The following TLN2 variants were observed in gnomAD, a reference collection of about 807,000 sequenced individuals.
The protein encoded by TLN2 is talin-2.
In TLN2, 118 loss-of-function variants were observed where a neutral mutation model predicts 294.7. The ratio of observed to expected loss-of-function variants is 0.40; its 90% CI spans 0.34 to 0.47. The LOEUF (loss-of-function observed/expected upper bound fraction) is 0.47. TLN2 is among the 20% of genes least tolerant of loss of function. The pLI, the probability that TLN2 is intolerant of heterozygous loss-of-function variation, is 0.84. For missense variants in TLN2, 3,083 were observed against 3,282.2 expected, an observed-to-expected ratio of 0.94 and a Z score of 1.48; for synonymous variants, 1,431 against 1,304.5, an observed-to-expected ratio of 1.10 and a Z score of -2.09.
At chr15:62,646,404 C>T (rs564933850) in intron 3 of TLN2, among the ~76,000 whole-genome samples, 11 of 152,248 alleles carry the variant, frequency 7.2e-5, no homozygotes, top group Middle Eastern at 3.4e-3. Flanking sequence ...TCAAGTGATC[C>T]GCCCCCCTCA....
At chr15:62,683,682 C>T (rs181550217) in intron 11 of TLN2, among the ~76,000 whole-genome samples, 16 of 152,232 alleles carry the variant, frequency 1.1e-4, no homozygotes, top group Admixed American at 7.2e-4. Context: ...TCTAGATGGC[C>T]GTCAAAAATC....
At chr15:62,786,369 C>T (rs974756174) in intron 45 of TLN2, among the ~76,000 whole-genome samples, 1 of 152,100 alleles carries the variant, frequency 6.6e-6, no homozygotes, top group Non-Finnish European at 1.5e-5. Context: ...CATAGCTCTG[C>T]CCTGGAACAT....
intron 28 of TLN2, among the ~76,000 whole-genome samples, chr15:62,735,004 C>T (rs765440992): frequency 1.4e-4 from 21 of 152,122 alleles, no homozygotes; most frequent in African/African-American, 2.2e-4. Flanking sequence ...AAGTTCAGTG[C>T]GAGAGAGACA....
At chr15:62,431,025 GAT>G (rs1270559539) in intron 1 of TLN2, among the ~76,000 whole-genome samples, 3 of 152,044 alleles carry the variant, frequency 2.0e-5, no homozygotes, top group Non-Finnish European at 2.9e-5. Flanking sequence ...CTGAGAGACT[GAT>G]ACCTTGCTCT....
At chr15:62,707,490 T>C (rs2059142627) in intron 20 of TLN2, among the ~76,000 whole-genome samples, 1 of 152,258 alleles carries the variant, frequency 6.6e-6, no homozygotes, top group South Asian at 2.1e-4. Flanking sequence ...CATTTCTATA[T>C]GCAAATTGCT....
At chr15:62,605,579 C>A (rs2047363952) in intron 2 of TLN2, among the ~76,000 whole-genome samples, 1 of 152,164 alleles carries the variant, frequency 6.6e-6, no homozygotes, top group Non-Finnish European at 1.5e-5. Context: ...TAGGCTGTGG[C>A]TGCTGCTATG....
At chr15:62,678,119 T>C (rs949709231) in intron 11 of TLN2, among the ~76,000 whole-genome samples, 4 of 152,174 alleles carry the variant, frequency 2.6e-5, no homozygotes, top group African/African-American at 7.2e-5. Context: ...TCTATATACA[T>C]ATTAAATATT....
At chr15:62,581,167 A>G (rs991206665) in intron 1 of TLN2, among the ~76,000 whole-genome samples, 4 of 152,140 alleles carry the variant, frequency 2.6e-5, no homozygotes, top group Non-Finnish European at 4.4e-5. Context: ...GGTGTGAGAC[A>G]CCGCGCCCGG....
intron 48 of TLN2, among the ~76,000 whole-genome samples, chr15:62,797,958 C>T (rs1051429854): frequency 5.3e-5 from 8 of 152,174 alleles, no homozygotes; most frequent in African/African-American, 1.7e-4. Context: ...ACCACTTTAC[C>T]GTGCAAGTGG....
chr15:62,430,739 C>T (rs757139070), intron 1 of TLN2, among the ~76,000 whole-genome samples: 7 of 151,924 alleles, frequency 4.6e-5, no homozygotes, highest in Non-Finnish European at 5.9e-5. Context: ...AGTCATGGCC[C>T]GGTATGTCAG....
chr15:62,825,968 G>A (rs2068159207), intron 54 of TLN2, among the ~76,000 whole-genome samples: 1 of 144,472 alleles, frequency 6.9e-6, no homozygotes, highest in East Asian at 2.0e-4. Context: ...GGAGGTTGCC[G>A]TGAGCCGGGA....
At chr15:62,595,008 G>T (rs372309214) in intron 2 of TLN2, among the ~76,000 whole-genome samples, 7 of 152,104 alleles carry the variant, frequency 4.6e-5, no homozygotes, top group African/African-American at 1.7e-4. Flanking sequence ...CTCAAAAGAA[G>T]ATACACAAAT....
intron 1 of TLN2, among the ~76,000 whole-genome samples, chr15:62,466,985 T>C (rs2037169120): frequency 6.6e-6 from 1 of 152,236 alleles, no homozygotes; most frequent in South Asian, 2.1e-4. Context: ...CAGTGAAGAA[T>C]TAGCCCTCCG....
chr15:62,406,047 G>A (rs892684866), intron 1 of TLN2, among the ~76,000 whole-genome samples: 2 of 152,150 alleles, frequency 1.3e-5, no homozygotes, highest in East Asian at 1.9e-4. Context: ...TCAGGTGGCC[G>A]TATGCCTAAC....
chr15:62,458,253 C>G (rs548689060), intron 1 of TLN2, among the ~76,000 whole-genome samples: 1 of 152,260 alleles, frequency 6.6e-6, no homozygotes, highest in South Asian at 2.1e-4. Context: ...TCCAGTGTCT[C>G]TCCATGCTAA....
intron 46 of TLN2, among the ~76,000 whole-genome samples, chr15:62,794,213 AT>A (rs1224867892): frequency 6.6e-6 from 1 of 152,160 alleles, no homozygotes; most frequent in Non-Finnish European, 1.5e-5. Flanking sequence ...TGGGTCCCTG[AT>A]TTAGGACACC....
rs568254323 is a variant in TLN2 at position 62,646,437 on chromosome 15, C to T, written c.-36-838C>T. ...TCAGCCTCCCAAAGTGCTGGGATTA[C>T]AGGCATGAGCCACTGCACCCAGCCA... is the stretch of plus-strand genomic sequence containing the variant. On this transcript the variant is annotated intron_variant, in intron 3 of 58. Coordinates refer to ENST00000636159, the MANE Select transcript of TLN2 (RefSeq NM_015059.3). Among the ~76,000 whole-genome samples the T allele has an allele frequency of 5.3e-5, 8 of 152,296 alleles. No homozygotes were observed. In the East Asian group the frequency reaches 1.5e-3, roughly 29 times the overall value.
chr15:62,582,195 TAC>T (rs67748452), intron 1 of TLN2, among the ~76,000 whole-genome samples: 2,159 of 66,440 alleles, frequency 0.032, 24 homozygotes, highest in African/African-American at 0.058. Flanking sequence ...TGTGTATGCA[TAC>T]ACACACACAC....
chr15:62,687,572 G>A (rs1482885250), intron 12 of TLN2, among the ~76,000 whole-genome samples: 2 of 152,180 alleles, frequency 1.3e-5, no homozygotes, highest in African/African-American at 2.4e-5. Context: ...ACAATAGAGC[G>A]GGTGGTTGGT....
Sources: gnomAD v4.1 joint callset for allele counts (sites outside exome capture counted in the v4.1 genomes callset) on GRCh38, gnomAD v4.1.1 for gene constraint, MANE v1.5 for transcripts, NCBI Gene and HGNC (gene_info 2026-07-23, HGNC 2026-07-21) for gene names.